Variants in MAGI3 observed in about 807,000 individuals in gnomAD.
The protein encoded by MAGI3 is membrane associated guanylate kinase, WW and PDZ domain containing 3, also known as membrane-associated guanylate kinase, WW and PDZ domain-containing protein 3.
A neutral mutation model predicts 121.8 loss-of-function variants in MAGI3; 43 were observed. That is an observed-to-expected ratio of 0.35 (90% confidence interval 0.28 to 0.46). MAGI3 has a LOEUF of 0.46. Among genes scored for constraint, MAGI3 ranks in the 20% least tolerant of loss-of-function variants. The pLI, the probability that MAGI3 is intolerant of heterozygous loss-of-function variation, is 1.00. For synonymous variants in MAGI3, 553 were observed against 639.3 expected (o/e 0.86, Z 2.04); for missense variants, 1,547 against 1,797.3 (o/e 0.86, Z 2.52).
intron 2 of MAGI3, among the ~76,000 whole-genome samples, chr1:113,552,384 C>T (rs983463321): frequency 5.9e-5 from 9 of 152,116 alleles, no homozygotes; most frequent in Non-Finnish European, 1.2e-4. Flanking sequence ...TATTAGTCAA[C>T]TATCTAACTG....
At chr1:113,639,057 C>T (rs1450641696) in intron 9 of MAGI3, among the ~76,000 whole-genome samples, 1 of 152,084 alleles carries the variant, frequency 6.6e-6, no homozygotes, top group East Asian at 1.9e-4. Context: ...ATATAATCTC[C>T]TGGTGCGCCG....
chr1:113,602,317 AAAAACTATAC>A (rs1649453166), intron 6 of MAGI3, among the ~76,000 whole-genome samples: 1 of 152,210 alleles, frequency 6.6e-6, no homozygotes, highest in Admixed American at 6.5e-5. Flanking sequence ...AAGGAACCCT[AAAAACTATAC>A]AAATGCATGG....
In MAGI3 at chr1:113,523,975, C is replaced by CT. The variant is rs536174851; in HGVS notation, c.317-25538dup. Among the ~76,000 whole-genome samples, 121 of 152,212 alleles carry CT rather than the reference C, an allele frequency of 7.9e-4. 1 individual carries two copies. The highest frequency in any genetic ancestry group is 2.8e-3 in the African/African-American group (116 of 41,520). ...CCCTCTGCTGTGTGCAGTCTAGGGACTTGGTGCCCTGTGTCCCAGCCACTC... is the reference window on the plus strand; with the variant it reads ...CCCTCTGCTGTGTGCAGTCTAGGGACTTTGGTGCCCTGTGTCCCAGCCACTC... On this transcript the variant is annotated intron_variant, in intron 1 of 20. Coordinates refer to ENST00000307546, the MANE Select transcript of MAGI3 (RefSeq NM_001142782.2).
At chr1:113,457,880 G>T (rs1207599813) in intron 1 of MAGI3, among the ~76,000 whole-genome samples, 3 of 152,162 alleles carry the variant, frequency 2.0e-5, no homozygotes, top group Admixed American at 2.0e-4. Context: ...AGGAAGCCAT[G>T]AGGGCACCTG....
chr1:113,526,039 A>G (rs906557116), intron 1 of MAGI3, among the ~76,000 whole-genome samples: 2 of 152,232 alleles, frequency 1.3e-5, no homozygotes, highest in African/African-American at 4.8e-5. Context: ...TATTTTGAGT[A>G]GAATATTCCA....
chr1:113,602,452 T>A (rs1649465010), intron 6 of MAGI3, among the ~76,000 whole-genome samples: 1 of 152,176 alleles, frequency 6.6e-6, no homozygotes, highest in African/African-American at 2.4e-5. Flanking sequence ...AAACCTGAGA[T>A]ACAGCAAAGC....
At position 113,433,898 on chromosome 1, in the gene MAGI3, AT is replaced by A. The variant is rs1477906489; in HGVS notation, c.316+42552del. Among the ~76,000 whole-genome samples, 9 of 152,180 alleles carry A rather than the reference AT, an allele frequency of 5.9e-5. No individual in the cohort carries two copies. The South Asian group carries it at 1.2e-3, about 21-fold the overall frequency. ...TTAATCACACAGATGTTGAGTCACA[AT>A]TTGTGATTTAATTTGATTACTTATG... On this transcript the variant is annotated intron_variant, in intron 1 of 20. Coordinates refer to ENST00000307546, the MANE Select transcript of MAGI3 (RefSeq NM_001142782.2).
intron 2 of MAGI3, among the ~76,000 whole-genome samples, chr1:113,554,283 ATG>A (rs539910651): frequency 1.6e-4 from 21 of 131,846 alleles, no homozygotes; most frequent in South Asian, 1.1e-3. Context: ...AAATATTCAT[ATG>A]TGTGTGTGTG....
At chr1:113,649,718 A>G (rs1356852616) in intron 13 of MAGI3, among the ~76,000 whole-genome samples, 2 of 152,158 alleles carry the variant, frequency 1.3e-5, no homozygotes, top group Non-Finnish European at 2.9e-5. Context: ...TGCTCCATAA[A>G]TGGTTGGCAT....
chr1:113,595,481 A>T (rs1648942926), intron 6 of MAGI3, among the ~76,000 whole-genome samples: 1 of 152,210 alleles, frequency 6.6e-6, no homozygotes, highest in African/African-American at 2.4e-5. Flanking sequence ...AGTGGCGTAA[A>T]ATGAGGTTCA....
intron 4 of MAGI3, among the ~76,000 whole-genome samples, chr1:113,589,465 T>C (rs1056902130): frequency 2.0e-5 from 3 of 152,012 alleles, no homozygotes; most frequent in Non-Finnish European, 4.4e-5. Context: ...GGCAGTATTA[T>C]GAAGTAAGGT....
In MAGI3 at chr1:113,485,169, A is replaced by T. The variant is rs564759025; in HGVS notation, c.317-64346A>T. ...CTTATAATGACTTCTTTTCCTCTGG[A>T]TAGATACCTAGTAGTGGGATTGCTG... On this transcript the variant is annotated intron_variant, in intron 1 of 20. Coordinates refer to ENST00000307546, the MANE Select transcript of MAGI3 (RefSeq NM_001142782.2). 2.6e-5 allele frequency among the ~76,000 whole-genome samples: 4 copies of T among 152,312 alleles called. No homozygotes were observed. In the South Asian group the frequency reaches 8.3e-4, roughly 32 times the overall value.
At chr1:113,489,889 G>T (rs12039226) in intron 1 of MAGI3, among the ~76,000 whole-genome samples, 7 of 151,914 alleles carry the variant, frequency 4.6e-5, no homozygotes, top group Non-Finnish European at 1.0e-4. Flanking sequence ...ATGGAATTAT[G>T]TAAAGAGACC....
chr1:113,592,499 C>T (rs1296430769), intron 5 of MAGI3, among the ~76,000 whole-genome samples: 4 of 152,084 alleles, frequency 2.6e-5, no homozygotes, highest in Admixed American at 2.0e-4. Flanking sequence ...TTGGGTTTAG[C>T]AAGGTATTTT....
At chr1:113,534,643 A>G (rs1239730982) in intron 1 of MAGI3, among the ~76,000 whole-genome samples, 1 of 152,062 alleles carries the variant, frequency 6.6e-6, no homozygotes, top group Admixed American at 6.5e-5. Context: ...TGATACTATA[A>G]CACTGGGGTG....
chr1:113,635,970 G>A (rs1383530561), intron 9 of MAGI3, among the ~76,000 whole-genome samples: 10 of 152,036 alleles, frequency 6.6e-5, no homozygotes, highest in African/African-American at 2.4e-5. Flanking sequence ...TGTATGTGTC[G>A]AGGAATGTAT....
chr1:113,469,234 CAGAA>C (rs560332945), intron 1 of MAGI3, among the ~76,000 whole-genome samples: 39 of 152,208 alleles, frequency 2.6e-4, no homozygotes, highest in African/African-American at 9.1e-4. Context: ...CAAAATGACA[CAGAA>C]ATATTAAGTG....
Position 113,636,231 on chromosome 1 carries a change from G to A in MAGI3, c.1361-5680G>A, listed in dbSNP as rs1243518113. 3.9e-5 allele frequency among the ~76,000 whole-genome samples: 6 copies of A among 152,122 alleles called. No individual in the cohort carries two copies. In the South Asian group the frequency reaches 6.2e-4, roughly 16 times the overall value. On this transcript the variant is annotated intron_variant, in intron 9 of 20. Coordinates refer to ENST00000307546, the MANE Select transcript of MAGI3 (RefSeq NM_001142782.2). ...GTTTTTTGTGTCTCTATTTCCTTCAGTTCTGTTCTGATTTTAGTTATTTCT... is the reference window on the plus strand; with the variant it reads ...GTTTTTTGTGTCTCTATTTCCTTCAATTCTGTTCTGATTTTAGTTATTTCT...
At position 113,634,639 on chromosome 1, in the gene MAGI3, C is replaced by T. The variant is rs992673506; in HGVS notation, c.1361-7272C>T. Among the ~76,000 whole-genome samples, 65 of 152,096 alleles carry T rather than the reference C, an allele frequency of 4.3e-4. 2 individuals carry two copies. The highest frequency in any genetic ancestry group is 3.6e-3 in the Admixed American group (55 of 15,268). ...ACCATGCTGTTTTGGTTACTGTAGC[C>T]TTGTAGTAGGTTGAAGTCAGGTAGT... On this transcript the variant is annotated intron_variant, in intron 9 of 20. Transcript: ENST00000307546.
Sources: gnomAD v4.1 joint callset for allele counts (sites outside exome capture counted in the v4.1 genomes callset) on GRCh38, gnomAD v4.1.1 for gene constraint, MANE v1.5 for transcripts, NCBI Gene and HGNC (gene_info 2026-07-23, HGNC 2026-07-21) for gene names.